Variants in TMF1 observed in about 807,000 individuals in gnomAD.
TMF1 encodes TATA element modulatory factor.
Under a neutral mutation model 126.5 loss-of-function variants are expected in TMF1, and 71 were observed. The observed-to-expected ratio is 0.56, with a 90% CI of 0.46 to 0.68. The LOEUF (loss-of-function observed/expected upper bound fraction) is 0.68. TMF1 is among the 30% of genes least tolerant of loss of function. The pLI is 0.00. For missense variants in TMF1, 1,259 were observed against 1,253.2 expected, an observed-to-expected ratio of 1.00 and a Z score of -0.07; for synonymous variants, 461 against 430.5, an observed-to-expected ratio of 1.07 and a Z score of -0.88.
intron 1 of TMF1, 25 bp downstream of exon 1, chr3:69,051,920 G>A: frequency 6.2e-7 from 1 of 1,608,930 alleles, no homozygotes; most frequent in African/African-American, 1.3e-5. Context: ...CCGGGAGCCA[G>A]GAACCCCGCT....
intron 8 of TMF1, among the ~76,000 whole-genome samples, chr3:69,036,182 T>A (rs992817678): frequency 6.6e-6 from 1 of 151,980 alleles, no homozygotes; most frequent in Non-Finnish European, 1.5e-5. Flanking sequence ...ACTAGAGTGA[T>A]CATCAGGATA....
chr3:69,051,260 T>A (rs529871711), intron 1 of TMF1, among the ~76,000 whole-genome samples: 1 of 152,062 alleles, frequency 6.6e-6, no homozygotes, highest in East Asian at 1.9e-4. Context: ...GTGGATCGCC[T>A]TAAGTCAGGA....
chr3:69,023,068 C>T lies in TMF1; in HGVS notation c.*109G>A, dbSNP rs2091748121. The stretch of plus-strand genomic sequence containing the variant: ...ATTTTAAAAAAATTTTTACACTCTA[C>T]AGTAAATCCCACTTTCTAATTCTAT... On this transcript the variant is annotated 3_prime_UTR_variant, in exon 17 of 17. Coordinates refer to ENST00000398559, the MANE Select transcript of TMF1 (RefSeq NM_007114.3). 1 of 1,082,402 alleles carries T rather than the reference C, an allele frequency of 9.2e-7. No individual in the cohort carries two copies. Among genetic ancestry groups the T allele is most frequent in the East Asian group, 2.6e-5 (1 of 38,542 alleles). 67.0% of individuals were successfully genotyped at this position (1,082,402 alleles called of 1,614,324 possible). A position where few individuals can be genotyped will look rare whatever the true frequency, so the allele number is the denominator to read the frequency against.
At chr3:69,030,756 GTAAC>G (rs1346685939) in intron 10 of TMF1, 17 of 152,278 alleles carry the variant, frequency 1.1e-4, no homozygotes, top group African/African-American at 4.1e-4. Flanking sequence ...TGCTGTCTGA[GTAAC>G]TAAAAGAAAA....
intron 13 of TMF1, among the ~76,000 whole-genome samples, chr3:69,027,679 TAAA>T (rs11318005): frequency 1.6e-4 from 21 of 130,678 alleles, no homozygotes; most frequent in Non-Finnish European, 1.5e-4. Flanking sequence ...GCTGATGAAC[TAAA>T]AAAAAAAAAA....
chr3:69,048,785 A>C (rs1427618372), intron 1 of TMF1: 1 of 414,886 alleles, frequency 2.4e-6, no homozygotes, highest in African/African-American at 2.1e-5. Context: ...GAGAGGAAGG[A>C]GGAGCACAGA....
At position 69,047,520 on chromosome 3, in the gene TMF1, T is replaced by C; in HGVS notation, c.1185A>G (p.Glu395=). 1 of 1,614,194 alleles carries C rather than the reference T, an allele frequency of 6.2e-7. No homozygotes were observed. Among genetic ancestry groups the C allele is most frequent in the Non-Finnish European group, 8.5e-7 (1 of 1,180,036 alleles). Residue 395 remains glutamate, a synonymous_variant, in exon 2 of 17, where the codon GAA becomes GAG. Coordinates refer to ENST00000398559, the MANE Select transcript of TMF1 (RefSeq NM_007114.3). The part of the protein sequence containing the change: ...VIPTEEAEME[E]SGRSATPVNC... ...TAACAGGAGTTGCACTTCGTCCACTTTCTTCCATTTCTGCTTCCTCAGTGG... is the reference window on the plus strand; with the variant it reads ...TAACAGGAGTTGCACTTCGTCCACTCTCTTCCATTTCTGCTTCCTCAGTGG...
At chr3:69,047,282 TGAAAGTATTTTTTAA>T in intron 2 of TMF1, 61 bp downstream of exon 2, 1 of 1,465,252 alleles carries the variant, frequency 6.8e-7, no homozygotes, top group South Asian at 1.5e-5. Context: ...TATGCATCAA[TGAAAGTATTTTTTAA>T]AACAAATGAT....
chr3:69,026,976 A>C (rs901724634), intron 13 of TMF1, among the ~76,000 whole-genome samples: 20 of 152,120 alleles, frequency 1.3e-4, no homozygotes, highest in African/African-American at 4.8e-4. Context: ...TCAATACAGA[A>C]AACTCATTTT....
intron 5 of TMF1, among the ~76,000 whole-genome samples, chr3:69,039,900 C>T (rs923086619): frequency 1.2e-4 from 19 of 152,082 alleles, no homozygotes; most frequent in East Asian, 1.9e-4. Context: ...GATATTGACA[C>T]GGTCTTAAAG....
At chr3:69,043,421 C>G (rs372379885) in intron 4 of TMF1, among the ~76,000 whole-genome samples, 1 of 152,132 alleles carries the variant, frequency 6.6e-6, no homozygotes, top group Non-Finnish European at 1.5e-5. Flanking sequence ...CCACCCTCTT[C>G]GGCCTCCTGA....
chr3:69,041,187 T>C (rs754459990), intron 5 of TMF1, among the ~76,000 whole-genome samples: 1 of 152,166 alleles, frequency 6.6e-6, no homozygotes, highest in African/African-American at 2.4e-5. Context: ...CAGTCTCTGA[T>C]ATTGTAAGGC....
rs1018578458 is a variant in TMF1 at position 69,020,698 on chromosome 3, T to C, written c.*2479A>G. 1 of 152,156 alleles carries C rather than the reference T, an allele frequency of 6.6e-6. No homozygotes were observed. The highest frequency in any genetic ancestry group is 1.5e-5 in the Non-Finnish European group (1 of 67,998). The allele number at this position is 152,156 out of a possible 1,614,324, so 9.4% of individuals were successfully genotyped here. The stretch of plus-strand genomic sequence containing the variant: ...AAGTTCACTTTAACTTACAGAAGTA[T>C]TGAGAGATCCAAGTGTTTAACAATC... On this transcript the variant is annotated 3_prime_UTR_variant, in exon 17 of 17. Coordinates refer to ENST00000398559, the MANE Select transcript of TMF1 (RefSeq NM_007114.3).
chr3:69,025,702 T>A lies in TMF1; in HGVS notation c.2870A>T (p.His957Leu), dbSNP rs1271120084. The A allele has an allele frequency of 6.2e-7, 1 of 1,612,376 alleles. No individual in the cohort carries two copies. Among genetic ancestry groups the A allele is most frequent in the Admixed American group, 1.7e-5 (1 of 59,898 alleles). Residue 957 changes from histidine to leucine, a missense_variant, in exon 15 of 17, where the codon CAT becomes CTT. Physicochemically the swap from His to Leu is moderately conservative, Grantham distance 99. Coordinates refer to ENST00000398559, the MANE Select transcript of TMF1 (RefSeq NM_007114.3). ...QTSFLSQDES[H>L]DHSFGPMPIS... ...AGGCATTGGTCCAAATGAGTGATCATGAGACTCATCCTATGTTAATTAAGA... is the reference window on the plus strand; with the variant it reads ...AGGCATTGGTCCAAATGAGTGATCAAGAGACTCATCCTATGTTAATTAAGA...
intron 6 of TMF1, 52 bp from the exon 7 acceptor site, chr3:69,039,061 T>TA: frequency 7.8e-7 from 1 of 1,285,344 alleles, no homozygotes; most frequent in Non-Finnish European, 1.1e-6. Context: ...AATACCATGG[T>TA]AAATAACTGT....
intron 10 of TMF1, among the ~76,000 whole-genome samples, chr3:69,033,184 G>A (rs1007363512): frequency 2.7e-5 from 4 of 149,554 alleles, no homozygotes; most frequent in Non-Finnish European, 3.0e-5. Context: ...TGAGGCAGGA[G>A]AATTGTGTGA....
At position 69,035,156 on chromosome 3, in the gene TMF1, G is replaced by A. The variant is rs114699684; in HGVS notation, c.2152-41C>T. 2.5e-3 allele frequency: 3,798 copies of A among 1,517,052 alleles called. 97 individuals carry two copies. The African/African-American group carries it at 0.046, about 18-fold the overall frequency. 94.0% of individuals were successfully genotyped at this position (1,517,052 alleles called of 1,614,324 possible). A position where few individuals can be genotyped will look rare whatever the true frequency, so the allele number is the denominator to read the frequency against. On this transcript the variant is annotated intron_variant, in intron 8 of 16. Transcript: ENST00000398559. ...CAATACATTCACAAACAATGGTACA[G>A]TATTATCTATAACTTCCCACTAACT...
intron 1 of TMF1, among the ~76,000 whole-genome samples, chr3:69,051,421 G>C (rs552667261): frequency 1.3e-5 from 2 of 152,160 alleles, no homozygotes; most frequent in South Asian, 2.1e-4. Flanking sequence ...GTTGCAGTGA[G>C]CCGAGATCGC....
chr3:69,026,004 G>C lies in TMF1; in HGVS notation c.2851C>G (p.Leu951Val). 1 of 1,611,542 alleles carries C rather than the reference G, an allele frequency of 6.2e-7. No individual in the cohort carries two copies. The highest frequency in any genetic ancestry group is 8.5e-7 in the Non-Finnish European group (1 of 1,178,240). ...VDMAGLQTSF[L>V]SQDESHDHSF... Reference sequence around the variant, plus strand: ...AAAAAATAAAACATCACCTGAGACAGAAAAGATGTCTGTAGTCCTGCCATA... The same window carrying C: ...AAAAAATAAAACATCACCTGAGACACAAAAGATGTCTGTAGTCCTGCCATA... Residue 951 changes from leucine to valine, a missense_variant, in exon 14 of 17, where the codon CTG (leucine) becomes GTG (valine). Leu to Val is a conservative substitution (Grantham distance 32). Transcript: ENST00000398559.
Sources: gnomAD v4.1 joint callset for allele counts (sites outside exome capture counted in the v4.1 genomes callset) on GRCh38, gnomAD v4.1.1 for gene constraint, MANE v1.5 for transcripts, NCBI Gene and HGNC (gene_info 2026-07-23, HGNC 2026-07-21) for gene names.